The following NTNG1 variants were observed in gnomAD, a reference collection of about 807,000 sequenced individuals.
NTNG1 encodes the protein netrin G1, also known as netrin-G1.
NTNG1 carries 16 observed loss-of-function variants against 54.0 expected under a neutral mutation model. The observed-to-expected ratio is 0.30, with a 90% CI of 0.20 to 0.45. The LOEUF is 0.45. NTNG1 is among the 20% of genes least tolerant of loss of function. The probability of loss-of-function intolerance (pLI) is 1.00; values close to 1 mark genes in which losing one functional copy is unlikely to be tolerated. For synonymous variants in NTNG1, 255 were observed against 263.1 expected (o/e 0.97, Z 0.30); for missense variants, 530 against 678.7 (o/e 0.78, Z 2.43).
intron 3 of NTNG1, among the ~76,000 whole-genome samples, chr1:107,379,712 GATA>G (rs767110840): frequency 4.6e-5 from 7 of 152,104 alleles, no homozygotes; most frequent in Non-Finnish European, 8.8e-5. Context: ...ATACTTCAAA[GATA>G]ATAATTTGTT....
At chr1:107,388,552 G>A (rs1672163634) in intron 3 of NTNG1, among the ~76,000 whole-genome samples, 1 of 152,136 alleles carries the variant, frequency 6.6e-6, no homozygotes, top group Non-Finnish European at 1.5e-5. Flanking sequence ...TGTGAGCTTG[G>A]TATGAAACAA....
intron 3 of NTNG1, among the ~76,000 whole-genome samples, chr1:107,381,415 A>C (rs990470491): frequency 6.6e-6 from 1 of 151,222 alleles, no homozygotes; most frequent in Non-Finnish European, 1.5e-5. Flanking sequence ...TAAGCATTGC[A>C]TAAGATTAGA....
At chr1:107,161,857 T>G (rs1006209084) in intron 2 of NTNG1, among the ~76,000 whole-genome samples, 2 of 152,000 alleles carry the variant, frequency 1.3e-5, no homozygotes, top group Non-Finnish European at 2.9e-5. Flanking sequence ...AGTCCATGCT[T>G]TTATGCTTTT....
intron 2 of NTNG1, among the ~76,000 whole-genome samples, chr1:107,159,400 T>G (rs1015499216): frequency 1.4e-4 from 22 of 152,122 alleles, no homozygotes; most frequent in African/African-American, 5.3e-4. Flanking sequence ...GAATTGAACT[T>G]TGTGCTATAT....
intron 3 of NTNG1, among the ~76,000 whole-genome samples, chr1:107,381,398 T>G (rs1001581195): frequency 1.3e-5 from 2 of 150,898 alleles, no homozygotes; most frequent in Non-Finnish European, 2.9e-5. Context: ...TTAACTAATT[T>G]GTTTCGTAAG....
intron 7 of NTNG1, among the ~76,000 whole-genome samples, chr1:107,467,986 A>G (rs1036638678): frequency 2.0e-5 from 3 of 152,192 alleles, no homozygotes; most frequent in Non-Finnish European, 4.4e-5. Context: ...TGGCATTAAC[A>G]GGGAAATGGC....
chr1:107,216,928 C>T (rs1237857664), intron 2 of NTNG1, among the ~76,000 whole-genome samples: 7 of 152,128 alleles, frequency 4.6e-5, no homozygotes, highest in South Asian at 2.1e-4. Context: ...CCACCCTCCT[C>T]GGCAACCCAA....
chr1:107,306,944 T>G (rs1313427859), intron 2 of NTNG1, among the ~76,000 whole-genome samples: 1 of 152,234 alleles, frequency 6.6e-6, no homozygotes, highest in Non-Finnish European at 1.5e-5. Flanking sequence ...CAAACTTGAT[T>G]CAGCTCATAA....
chr1:107,478,670 A>T (rs1049485808), intron 7 of NTNG1, among the ~76,000 whole-genome samples: 1 of 152,246 alleles, frequency 6.6e-6, no homozygotes, highest in African/African-American at 2.4e-5. Flanking sequence ...GAAATATCCC[A>T]TTCAGCATTC....
intron 5 of NTNG1, among the ~76,000 whole-genome samples, chr1:107,413,178 T>TTC (rs1319514350): frequency 6.6e-6 from 1 of 151,688 alleles, no homozygotes; most frequent in East Asian, 1.9e-4. Flanking sequence ...ATTTTTTTTT[T>TTC]CTGAGATGGA....
At chr1:107,452,734 C>A (rs1676701079) in intron 7 of NTNG1, among the ~76,000 whole-genome samples, 1 of 152,128 alleles carries the variant, frequency 6.6e-6, no homozygotes, top group Non-Finnish European at 1.5e-5. Flanking sequence ...TGCCATGATA[C>A]AATGAAGCAG....
At chr1:107,194,091 T>A (rs1658151474) in intron 2 of NTNG1, among the ~76,000 whole-genome samples, 1 of 151,966 alleles carries the variant, frequency 6.6e-6, no homozygotes, top group African/African-American at 2.4e-5. Flanking sequence ...CTGGTCTTTG[T>A]ACCTTTGCAT....
intron 7 of NTNG1, among the ~76,000 whole-genome samples, chr1:107,447,373 C>T (rs1044386059): frequency 5.9e-5 from 9 of 152,146 alleles, no homozygotes; most frequent in African/African-American, 2.2e-4. Context: ...ATTAGTGATG[C>T]AATGTCAGAG....
At chr1:107,295,814 G>A (rs1266873920) in intron 2 of NTNG1, among the ~76,000 whole-genome samples, 2 of 152,074 alleles carry the variant, frequency 1.3e-5, no homozygotes, top group African/African-American at 4.8e-5. Flanking sequence ...TCAAAACTGT[G>A]TTTCAAGTAG....
Position 107,189,833 on chromosome 1 carries a change from G to C in NTNG1, c.246+40994G>C, listed in dbSNP as rs111417104. ...AAGTCAAAAGTTAAAAAAAAAAAAA[G>C]GGGGGGGCCTTACTGGATCAGGTAT... On this transcript the variant is annotated intron_variant, in intron 2 of 7. Transcript: ENST00000370068. Among the ~76,000 whole-genome samples, 65 of 146,854 alleles carry C rather than the reference G, an allele frequency of 4.4e-4. 1 individual carries two copies. The Middle Eastern group carries it at 0.01, about 24-fold the overall frequency.
chr1:107,274,040 G>A (rs1664317911), intron 2 of NTNG1, among the ~76,000 whole-genome samples: 2 of 152,138 alleles, frequency 1.3e-5, no homozygotes, highest in South Asian at 2.1e-4. Context: ...CTCTTACCAT[G>A]TGCCAGTCAC....
At chr1:107,448,082 TTG>T in intron 7 of NTNG1, among the ~76,000 whole-genome samples, 1 of 152,100 alleles carries the variant, frequency 6.6e-6, no homozygotes, top group Non-Finnish European at 1.5e-5. Context: ...TACCTTCCTC[TTG>T]TCAAAATCTG....
chr1:107,471,609 C>T (rs1677987160), intron 7 of NTNG1, among the ~76,000 whole-genome samples: 2 of 152,150 alleles, frequency 1.3e-5, no homozygotes, highest in Admixed American at 1.3e-4. Context: ...TAGAAGTCGT[C>T]TTTGAGAAAA....
chr1:107,450,140 G>T (rs1170904631), intron 7 of NTNG1, among the ~76,000 whole-genome samples: 1 of 151,926 alleles, frequency 6.6e-6, no homozygotes, highest in Non-Finnish European at 1.5e-5. Context: ...TAAAGTCTTG[G>T]GATAAAGAAG....
Sources: allele counts gnomAD v4.1 joint callset (sites outside exome capture counted in the v4.1 genomes callset), GRCh38; gene constraint gnomAD v4.1.1; transcripts MANE v1.5; gene names NCBI Gene and HGNC (gene_info 2026-07-23, HGNC 2026-07-21).